The following EYS variants were observed in gnomAD, a reference collection of about 807,000 sequenced individuals.
EYS encodes the protein EGF-like photoreceptor maintenance factor.
EYS carries 250 observed loss-of-function variants against 282.1 expected under a neutral mutation model. The ratio of observed to expected loss-of-function variants is 0.89; its 90% CI spans 0.80 to 0.98. EYS has a LOEUF of 0.98. Ranked by LOEUF, EYS falls within the 50% of genes least tolerant of loss-of-function variation. EYS has a pLI of 0.00. For synonymous variants in EYS, 1,355 were observed against 1,282.9 expected (o/e 1.06, Z -1.20); for missense variants, 4,016 against 3,709.0 (o/e 1.08, Z -2.15).
intron 36 of EYS, among the ~76,000 whole-genome samples, chr6:63,843,687 A>G (rs543769815): frequency 6.6e-6 from 1 of 152,334 alleles, no homozygotes; most frequent in African/African-American, 2.4e-5. Flanking sequence ...GTTGAAAACC[A>G]GCACAAGACA....
At chr6:65,241,211 A>G (rs551759423) in intron 12 of EYS, among the ~76,000 whole-genome samples, 2 of 152,292 alleles carry the variant, frequency 1.3e-5, no homozygotes, top group Non-Finnish European at 2.9e-5. Flanking sequence ...TGTTAAAAGT[A>G]AAATCACGAA....
At chr6:65,041,462 T>C (rs188774978) in intron 13 of EYS, among the ~76,000 whole-genome samples, 1 of 151,836 alleles carries the variant, frequency 6.6e-6, no homozygotes, top group East Asian at 1.9e-4. Context: ...CATGCACCCT[T>C]GATCTTGACC....
At chr6:64,557,376 G>C (rs755616474) in intron 26 of EYS, among the ~76,000 whole-genome samples, 24 of 151,686 alleles carry the variant, frequency 1.6e-4, no homozygotes, top group Non-Finnish European at 2.9e-4. Context: ...AGATTTATTT[G>C]GTTCTTTTCA....
At chr6:65,214,567 G>T (rs1403340573) in intron 12 of EYS, among the ~76,000 whole-genome samples, 1 of 152,192 alleles carries the variant, frequency 6.6e-6, no homozygotes, top group African/African-American at 2.4e-5. Flanking sequence ...AGTTGCAAGT[G>T]CTGAGTAGAA....
intron 26 of EYS, among the ~76,000 whole-genome samples, chr6:64,516,706 C>T (rs1276812720): frequency 6.6e-6 from 1 of 151,858 alleles, no homozygotes; most frequent in African/African-American, 2.4e-5. Context: ...AACATCTTCA[C>T]ATTTGTACTT....
intron 1 of EYS, among the ~76,000 whole-genome samples, chr6:65,660,416 G>A (rs1767964057): frequency 6.6e-6 from 1 of 151,726 alleles, no homozygotes; most frequent in Admixed American, 6.6e-5. Context: ...AGTTCCTCAT[G>A]TAGCACTTAG....
At chr6:64,125,095 A>G (rs1302897736) in intron 31 of EYS, among the ~76,000 whole-genome samples, 1 of 151,938 alleles carries the variant, frequency 6.6e-6, no homozygotes, top group Non-Finnish European at 1.5e-5. Context: ...CACAAGCAGG[A>G]TAGATCCTGA....
At position 65,495,418 on chromosome 6, in the gene EYS, T is replaced by TATATA; in HGVS notation, c.-9_-8insTATAT. The stretch of plus-strand genomic sequence containing the variant: ...GATTGATTTGTCAGTCATTTTCGGG[T>TATATA]AGCTGTATTTTACAGTTTATCATAA... On this transcript the variant is annotated 5_prime_UTR_variant, in exon 4 of 43. Coordinates refer to ENST00000503581, the MANE Select transcript of EYS (RefSeq NM_001142800.2). 1 of 1,607,182 alleles carries TATATA rather than the reference T, an allele frequency of 6.2e-7. No individual in the cohort carries two copies. Among genetic ancestry groups the TATATA allele is most frequent in the Non-Finnish European group, 8.5e-7 (1 of 1,179,830 alleles).
chr6:65,598,585 T>C (rs1198113956), intron 2 of EYS, among the ~76,000 whole-genome samples: 1 of 152,112 alleles, frequency 6.6e-6, no homozygotes, highest in Non-Finnish European at 1.5e-5. Context: ...TTACTCCATT[T>C]GCCAACATAC....
At chr6:64,130,929 G>A (rs1433500631) in intron 31 of EYS, among the ~76,000 whole-genome samples, 3 of 152,116 alleles carry the variant, frequency 2.0e-5, no homozygotes, top group Non-Finnish European at 2.9e-5. Context: ...GTGAAGTGGC[G>A]TGATCTCAGC....
chr6:65,369,265 G>A (rs746844413), intron 8 of EYS, among the ~76,000 whole-genome samples: 8 of 139,350 alleles, frequency 5.7e-5, no homozygotes, highest in African/African-American at 1.0e-4. Flanking sequence ...GTGTGTGTGT[G>A]TATATATATA....
At chr6:65,471,531 T>G (rs1765217734) in intron 5 of EYS, among the ~76,000 whole-genome samples, 1 of 152,218 alleles carries the variant, frequency 6.6e-6, no homozygotes, top group Non-Finnish European at 1.5e-5. Context: ...GACAACTTGC[T>G]TAGCATATCA....
intron 10 of EYS, among the ~76,000 whole-genome samples, chr6:65,337,765 A>G (rs979528088): frequency 2.0e-5 from 3 of 150,806 alleles, no homozygotes; most frequent in African/African-American, 4.8e-5. Context: ...TCTGCACCTT[A>G]TATATAATTA....
chr6:65,442,473 G>A (rs12660973), intron 5 of EYS, among the ~76,000 whole-genome samples: 28,115 of 151,778 alleles, frequency 0.19, 3,231 homozygotes, highest in Middle Eastern at 0.29. Flanking sequence ...AAAATGAATA[G>A]GCCAGGCACA....
intron 2 of EYS, among the ~76,000 whole-genome samples, chr6:65,500,784 A>G (rs540542867): frequency 1.3e-4 from 20 of 152,060 alleles, no homozygotes; most frequent in African/African-American, 3.9e-4. Context: ...ATATAATCCT[A>G]AAGTAAATAA....
intron 26 of EYS, among the ~76,000 whole-genome samples, chr6:64,565,207 AT>A (rs1209306176): frequency 1.3e-5 from 2 of 151,742 alleles, no homozygotes; most frequent in East Asian, 1.9e-4. Flanking sequence ...AATCTCATCT[AT>A]TTTTGCTTTT....
chr6:65,534,380 G>T (rs1767891766), intron 2 of EYS, among the ~76,000 whole-genome samples: 1 of 152,112 alleles, frequency 6.6e-6, no homozygotes, highest in Non-Finnish European at 1.5e-5. Flanking sequence ...AGCTGGATTT[G>T]CAGCTTTCCT....
At chr6:65,168,934 T>C (rs543016053) in intron 12 of EYS, among the ~76,000 whole-genome samples, 2 of 151,468 alleles carry the variant, frequency 1.3e-5, no homozygotes, top group Non-Finnish European at 3.0e-5. Flanking sequence ...TCTTCTTACA[T>C]TGCTTTGGTG....
At chr6:64,231,384 A>C (rs1037478699) in intron 30 of EYS, among the ~76,000 whole-genome samples, 8 of 152,106 alleles carry the variant, frequency 5.3e-5, no homozygotes, top group Non-Finnish European at 1.0e-4. Context: ...AATTATGTGA[A>C]ATTTCCTACT....
Sources: allele counts gnomAD v4.1 joint callset (sites outside exome capture counted in the v4.1 genomes callset), GRCh38; gene constraint gnomAD v4.1.1; transcripts MANE v1.5; gene names NCBI Gene and HGNC (gene_info 2026-07-23, HGNC 2026-07-21).